Variants in STON2 observed in about 807,000 individuals in gnomAD.
STON2 encodes the protein stonin-2.
A neutral mutation model predicts 65.7 loss-of-function variants in STON2; 29 were observed. The observed-to-expected ratio is 0.44, with a 90% CI of 0.33 to 0.60. STON2 has a LOEUF of 0.60. Among genes scored for constraint, STON2 ranks in the 20% least tolerant of loss-of-function variants. The pLI is 0.03. For synonymous variants in STON2, 404 were observed against 414.2 expected (o/e 0.98, Z 0.30); for missense variants, 1,054 against 1,118.1 (o/e 0.94, Z 0.82).
intron 4 of STON2, among the ~76,000 whole-genome samples, chr14:81,357,182 T>G (rs971449155): frequency 6.1e-4 from 92 of 151,154 alleles, no homozygotes; most frequent in African/African-American, 2.1e-3. Flanking sequence ...GAATCTACAA[T>G]GAACTCAAAC....
At chr14:81,413,668 T>C (rs12896615) in intron 2 of STON2, among the ~76,000 whole-genome samples, 92,139 of 136,460 alleles carry the variant, frequency 0.68, 35,439 homozygotes, top group African/African-American at 0.74. Context: ...TGGTGGCGTT[T>C]GTCTGTGATC....
chr14:81,416,530 A>G (rs1173723066), intron 2 of STON2, among the ~76,000 whole-genome samples: 1 of 152,238 alleles, frequency 6.6e-6, no homozygotes, highest in Non-Finnish European at 1.5e-5. Context: ...TTCAGGGCCC[A>G]TTCCCATGGT....
At chr14:81,424,313 G>A (rs111751320) in intron 2 of STON2, among the ~76,000 whole-genome samples, 4,583 of 152,026 alleles carry the variant, frequency 0.03, 234 homozygotes, top group African/African-American at 0.1. Context: ...GAGTGGTGGC[G>A]CACACCTAAA....
At chr14:81,303,975 G>A (rs981337506) in intron 5 of STON2, among the ~76,000 whole-genome samples, 2 of 152,076 alleles carry the variant, frequency 1.3e-5, no homozygotes, top group Non-Finnish European at 1.5e-5. Context: ...TTCCCCGACC[G>A]TGAATAATGA....
chr14:81,351,985 T>C (rs967289783), intron 4 of STON2, among the ~76,000 whole-genome samples: 2 of 152,244 alleles, frequency 1.3e-5, no homozygotes, highest in African/African-American at 2.4e-5. Flanking sequence ...CTTCTCAAGA[T>C]AATGTGTTAA....
chr14:81,291,621 C>T (rs1895555424), intron 5 of STON2, among the ~76,000 whole-genome samples: 1 of 151,396 alleles, frequency 6.6e-6, no homozygotes, highest in Non-Finnish European at 1.5e-5. Context: ...TATTATGTTA[C>T]AAAACATTAA....
chr14:81,414,798 T>C (rs1201895576), intron 2 of STON2, among the ~76,000 whole-genome samples: 1 of 152,182 alleles, frequency 6.6e-6, no homozygotes, highest in Non-Finnish European at 1.5e-5. Context: ...AATTATTAAA[T>C]GAAATAATAA....
At chr14:81,278,942 G>C (rs556387119) in intron 5 of STON2, 2 of 419,124 alleles carry the variant, frequency 4.8e-6, no homozygotes, top group East Asian at 3.4e-5. Flanking sequence ...ATCGCATTAA[G>C]TGCAATAAGA....
At chr14:81,297,725 TA>T (rs1373301079) in intron 5 of STON2, among the ~76,000 whole-genome samples, 1 of 152,198 alleles carries the variant, frequency 6.6e-6, no homozygotes, top group African/African-American at 2.4e-5. Context: ...CTAACTTTAA[TA>T]ATCAATAGAA....
chr14:81,340,204 ACCCAC>A (rs2140290111), intron 4 of STON2, among the ~76,000 whole-genome samples: 1 of 152,162 alleles, frequency 6.6e-6, no homozygotes, highest in South Asian at 2.1e-4. Flanking sequence ...AAATTAAAGA[ACCCAC>A]TCAATGAGTC....
At chr14:81,345,971 T>C (rs1442573770) in intron 4 of STON2, among the ~76,000 whole-genome samples, 1 of 152,124 alleles carries the variant, frequency 6.6e-6, no homozygotes, top group Non-Finnish European at 1.5e-5. Context: ...CTTGTCTGAG[T>C]TTCCAGATGC....
At chr14:81,346,388 A>G (rs1897810299) in intron 4 of STON2, among the ~76,000 whole-genome samples, 1 of 152,168 alleles carries the variant, frequency 6.6e-6, no homozygotes, top group African/African-American at 2.4e-5. Flanking sequence ...ACAAAGACCC[A>G]GGCCTTCCCC....
Position 81,278,460 on chromosome 14 carries a change from A to G in STON2, c.1022T>C (p.Met341Thr). 1 of 1,614,274 alleles carries G rather than the reference A, an allele frequency of 6.2e-7. No homozygotes were observed. The highest frequency in any genetic ancestry group is 8.5e-7 in the Non-Finnish European group (1 of 1,180,052). The change falls in exon 6 of 8, where the codon ATG (methionine) becomes ACG (threonine). Residue 341 changes from methionine (M) to threonine (T), a missense_variant. By Grantham distance (81) the Met-to-Thr change is moderately conservative (BLOSUM62 -1). Transcript: ENST00000614646. ...CAGCTTCTGAACTTTGGAGAAGTTC[A>G]TCAAAGTGCTCTTGGGACGGTCCCT... is the stretch of plus-strand genomic sequence containing the variant. ...KKRDRPKSTL[M>T]NFSKVQKLDI...
At chr14:81,423,154 T>C (rs1253092630) in intron 2 of STON2, among the ~76,000 whole-genome samples, 1 of 152,198 alleles carries the variant, frequency 6.6e-6, no homozygotes, top group East Asian at 1.9e-4. Flanking sequence ...CACACTTTTC[T>C]TGATGTTATC....
chr14:81,428,289 C>T (rs113570664), intron 1 of STON2, among the ~76,000 whole-genome samples: 6 of 149,966 alleles, frequency 4.0e-5, no homozygotes, highest in African/African-American at 1.5e-4. Flanking sequence ...GGGAAAAACA[C>T]AAAGTATTAT....
At chr14:81,370,836 C>A in intron 4 of STON2, 152 bp downstream of exon 4, 1 of 676,448 alleles carries the variant, frequency 1.5e-6, no homozygotes, top group Non-Finnish European at 2.5e-6. Context: ...AATTTCCAGC[C>A]ACTTTGGGTT....
intron 4 of STON2, among the ~76,000 whole-genome samples, chr14:81,369,287 C>G (rs1002108545): frequency 6.6e-6 from 1 of 152,122 alleles, no homozygotes; most frequent in Admixed American, 6.5e-5. Context: ...CAAACTATGA[C>G]ACTGTTAGAA....
At chr14:81,317,858 T>C (rs1334611327) in intron 5 of STON2, among the ~76,000 whole-genome samples, 2 of 152,134 alleles carry the variant, frequency 1.3e-5, no homozygotes, top group Admixed American at 6.5e-5. Flanking sequence ...GAGGATACAG[T>C]GGGAATGGAA....
In STON2 at chr14:81,308,798, A is replaced by T. The variant is rs570930918; in HGVS notation, c.742+15219T>A. ...GTTTTACCCATATATATATATATAT[A>T]TATATATATATATATATATATATAT... On this transcript the variant is annotated intron_variant, in intron 5 of 7. Coordinates refer to ENST00000614646, the MANE Select transcript of STON2 (RefSeq NM_001394390.1). Among the ~76,000 whole-genome samples, 8 of 18,412 alleles carry T rather than the reference A, an allele frequency of 4.3e-4. 1 individual carries two copies. The South Asian group carries it at 0.013, about 29-fold the overall frequency. The allele number at this position is 18,412 out of a possible 152,430, so 12.1% of individuals were successfully genotyped here.
Sources: gnomAD v4.1 joint callset for allele counts (sites outside exome capture counted in the v4.1 genomes callset) on GRCh38, gnomAD v4.1.1 for gene constraint, MANE v1.5 for transcripts, NCBI Gene and HGNC (gene_info 2026-07-23, HGNC 2026-07-21) for gene names.